CTNND2: variants seen among roughly 807,000 people sequenced by gnomAD.
CTNND2 encodes the protein catenin delta-2.
A neutral mutation model predicts 144.4 loss-of-function variants in CTNND2; 22 were observed. The observed-to-expected ratio is 0.15, with a 90% CI of 0.11 to 0.22. CTNND2 has a LOEUF of 0.22. Among genes scored for constraint, CTNND2 ranks in the 10% least tolerant of loss-of-function variants. The probability of loss-of-function intolerance (pLI) is 1.00; values close to 1 mark genes in which losing one functional copy is unlikely to be tolerated. For missense variants in CTNND2, 1,353 were observed against 1,618.8 expected, an observed-to-expected ratio of 0.84 and a Z score of 2.82; for synonymous variants, 751 against 695.6, an observed-to-expected ratio of 1.08 and a Z score of -1.25.
chr5:11,671,422 G>A (rs1160470412), intron 2 of CTNND2, among the ~76,000 whole-genome samples: 1 of 152,070 alleles, frequency 6.6e-6, no homozygotes, highest in African/African-American at 2.4e-5. Context: ...CCAATCAAAT[G>A]TAGATTTGGT....
intron 2 of CTNND2, among the ~76,000 whole-genome samples, chr5:11,628,813 G>A (rs775614650): frequency 6.6e-6 from 1 of 152,062 alleles, no homozygotes; most frequent in African/African-American, 2.4e-5. Context: ...GAGAAGACTC[G>A]GAAAAACACA....
intron 11 of CTNND2, among the ~76,000 whole-genome samples, chr5:11,160,336 G>T (rs1758649307): frequency 6.6e-6 from 1 of 152,200 alleles, no homozygotes; most frequent in African/African-American, 2.4e-5. Flanking sequence ...CAATGCTCAT[G>T]GAGGACCTAC....
chr5:11,207,943 A>G (rs1413332232), intron 10 of CTNND2, among the ~76,000 whole-genome samples: 2 of 152,190 alleles, frequency 1.3e-5, no homozygotes, highest in East Asian at 3.8e-4. Context: ...TCAGATTATC[A>G]AGATTGATGA....
At chr5:11,483,815 T>C (rs1331775468) in intron 3 of CTNND2, among the ~76,000 whole-genome samples, 1 of 152,154 alleles carries the variant, frequency 6.6e-6, no homozygotes, top group Non-Finnish European at 1.5e-5. Flanking sequence ...CCCAGGAGTA[T>C]ACTGGAAGAT....
At chr5:11,215,459 T>C (rs534360255) in intron 10 of CTNND2, among the ~76,000 whole-genome samples, 20 of 152,374 alleles carry the variant, frequency 1.3e-4, no homozygotes, top group South Asian at 1.2e-3. Context: ...TAGCTAATTA[T>C]AGATATGCAG....
chr5:11,781,945 G>C (rs1234537477), intron 1 of CTNND2, among the ~76,000 whole-genome samples: 1 of 152,140 alleles, frequency 6.6e-6, no homozygotes, highest in Non-Finnish European at 1.5e-5. Flanking sequence ...TGACACCTGG[G>C]TCCACCCAAA....
chr5:11,566,577 CCATACAGAA>C (rs1433419574), intron 2 of CTNND2, among the ~76,000 whole-genome samples: 1 of 152,208 alleles, frequency 6.6e-6, no homozygotes, highest in African/African-American at 2.4e-5. Flanking sequence ...TACTTGAAGA[CCATACAGAA>C]CTCCTCACAT....
Position 11,385,021 on chromosome 5 carries a change from C to T in CTNND2, c.821G>A (p.Gly274Asp). 4.0e-6 allele frequency: 5 copies of T among 1,236,304 alleles called. No individual in the cohort carries two copies. The highest frequency in any genetic ancestry group is 5.0e-6 in the Non-Finnish European group (5 of 995,482). The allele number at this position is 1,236,304 out of a possible 1,614,324, so 76.6% of individuals were successfully genotyped here. Residue 274 changes from glycine (G) to aspartate (D), a missense_variant, in exon 7 of 22, where the codon GGC (glycine) becomes GAC (aspartate). Gly to Asp is a moderately conservative substitution (Grantham distance 94, BLOSUM62 -1). This residue lies in a region of CTNND2 where 708 missense variants were observed against 706.4 expected (regional missense o/e 1.00). Coordinates refer to ENST00000304623, the MANE Select transcript of CTNND2 (RefSeq NM_001332.4). ...GCGCTGCAGCTTGGTGGGCGAACCG[C>T]CCTGGGGCGCGGCCAGCGGGGAGCC... ...RGGSPLAAPQ[G>D]GSPTKLQRGG...
chr5:11,707,823 G>T (rs148626393), intron 2 of CTNND2, among the ~76,000 whole-genome samples: 73 of 152,216 alleles, frequency 4.8e-4, no homozygotes, highest in African/African-American at 1.6e-3. Flanking sequence ...AAGCCTCAGG[G>T]TCTTCAAACA....
intron 11 of CTNND2, among the ~76,000 whole-genome samples, chr5:11,189,749 G>A (rs886657470): frequency 8.5e-5 from 13 of 152,086 alleles, no homozygotes; most frequent in African/African-American, 2.9e-4. Context: ...CTAACTCTTG[G>A]GTCGTTCAAG....
intron 10 of CTNND2, among the ~76,000 whole-genome samples, chr5:11,208,008 A>C (rs1023571778): frequency 1.3e-5 from 2 of 152,178 alleles, no homozygotes; most frequent in Non-Finnish European, 2.9e-5. Flanking sequence ...TTAAAATTTT[A>C]AAAATGAAAG....
chr5:11,068,903 C>A (rs566682400), intron 16 of CTNND2, among the ~76,000 whole-genome samples: 3 of 152,056 alleles, frequency 2.0e-5, no homozygotes, highest in African/African-American at 4.8e-5. Flanking sequence ...GGCGACAGAG[C>A]GAGACTCCGT....
chr5:11,525,578 C>A (rs1435071198), intron 3 of CTNND2, among the ~76,000 whole-genome samples: 2 of 152,336 alleles, frequency 1.3e-5, no homozygotes, highest in South Asian at 2.1e-4. Context: ...CTGTGAACCA[C>A]ACACAGTTAA....
intron 1 of CTNND2, among the ~76,000 whole-genome samples, chr5:11,736,452 T>C (rs548828548): frequency 3.6e-4 from 55 of 152,302 alleles, no homozygotes; most frequent in African/African-American, 1.3e-3. Context: ...TGGAATAATT[T>C]CCATGATTCA....
At chr5:11,203,647 T>C (rs1737736154) in intron 10 of CTNND2, among the ~76,000 whole-genome samples, 1 of 152,196 alleles carries the variant, frequency 6.6e-6, no homozygotes, top group African/African-American at 2.4e-5. Context: ...ATTGCTGGGA[T>C]TACAGGCGTG....
chr5:11,712,102 C>T (rs1786066309), intron 2 of CTNND2, among the ~76,000 whole-genome samples: 1 of 152,132 alleles, frequency 6.6e-6, no homozygotes, highest in Non-Finnish European at 1.5e-5. Context: ...CCCCAGCCAG[C>T]TCCATCATGT....
rs563072122 is a variant in CTNND2 at position 11,616,535 on chromosome 5, C to T, written c.175-51479G>A. Among the ~76,000 whole-genome samples the T allele has an allele frequency of 3.3e-5, 5 of 151,722 alleles. No homozygotes were observed. The South Asian group carries it at 8.3e-4, about 25-fold the overall frequency. Reference sequence around the variant, plus strand: ...TTTTCCTTCCTTCCTTGCTTCCTTCCTTCCTTGCTTCCTTTCTCCCTCCCT... The same window carrying T: ...TTTTCCTTCCTTCCTTGCTTCCTTCTTTCCTTGCTTCCTTTCTCCCTCCCT... On this transcript the variant is annotated intron_variant, in intron 2 of 21. Transcript: ENST00000304623.
rs140462759 is a variant in CTNND2 at position 11,712,739 on chromosome 5, G to C, written c.174+19397C>G. Among the ~76,000 whole-genome samples, 815 of 152,268 alleles carry C rather than the reference G, an allele frequency of 5.4e-3. 7 individuals are homozygous for C. The highest frequency in any genetic ancestry group is 0.019 in the African/African-American group (786 of 41,558). Reference sequence around the variant, plus strand: ...GAAGAGGGTAAAATAAAACAAAAGAGTCGTTCATCCTAGAAATCAGAGTTT... The same window carrying C: ...GAAGAGGGTAAAATAAAACAAAAGACTCGTTCATCCTAGAAATCAGAGTTT... On this transcript the variant is annotated intron_variant, in intron 2 of 21. Transcript: ENST00000304623.
rs1761569780 is a variant in CTNND2 at position 11,411,908 on chromosome 5, TC to T, written c.322+126del. ...TAAATTGTGAACTATCATAACAACT[TC>T]ATCTAATTTTACTATCGGGATGTTT... is the stretch of plus-strand genomic sequence containing the variant. On this transcript the variant is annotated intron_variant, in intron 4 of 21. Coordinates refer to ENST00000304623, the MANE Select transcript of CTNND2 (RefSeq NM_001332.4). 6.2e-6 allele frequency: 5 copies of T among 806,292 alleles called. No homozygotes were observed. In the Admixed American group the frequency reaches 8.6e-5, roughly 14 times the overall value. 49.9% of individuals were successfully genotyped at this position (806,292 alleles called of 1,614,324 possible). A position where few individuals can be genotyped will look rare whatever the true frequency, so the allele number is the denominator to read the frequency against.
Sources: gnomAD v4.1 joint callset for allele counts (sites outside exome capture counted in the v4.1 genomes callset) on GRCh38, gnomAD v4.1.1 for gene constraint, gnomAD v4.1.1 regional missense constraint, MANE v1.5 for transcripts, NCBI Gene and HGNC (gene_info 2026-07-23, HGNC 2026-07-21) for gene names.